FAM124B: variants seen among roughly 807,000 people sequenced by gnomAD.
FAM124B encodes the protein family with sequence similarity 124 member B, also known as protein FAM124B.
Under a neutral mutation model 19.7 loss-of-function variants are expected in FAM124B, and 18 were observed. The observed-to-expected ratio is 0.92, with a 90% confidence interval of 0.63 to 1.36. The LOEUF is 1.36. Ranked by LOEUF, FAM124B falls within the 40% of genes most tolerant of loss-of-function variation. FAM124B has a pLI of 0.00. For synonymous variants in FAM124B, 223 were observed against 225.2 expected, an observed-to-expected ratio of 0.99 and a Z score of 0.09; for missense variants, 540 against 553.3, an observed-to-expected ratio of 0.98 and a Z score of 0.24.
At chr2:224,392,340 A>T (rs140217477) in intron 1 of FAM124B, among the ~76,000 whole-genome samples, 1 of 152,194 alleles carries the variant, frequency 6.6e-6, no homozygotes, top group Non-Finnish European at 1.5e-5. Context: ...GCTACTCAGG[A>T]GGCTGAAATG....
At chr2:224,390,341 A>G (rs1689861601) in intron 1 of FAM124B, among the ~76,000 whole-genome samples, 2 of 152,084 alleles carry the variant, frequency 1.3e-5, no homozygotes, top group Non-Finnish European at 2.9e-5. Flanking sequence ...GGGAAGACTC[A>G]GGGTGCAGAA....
chr2:224,401,267 T>G lies in FAM124B; in HGVS notation c.502A>C (p.Lys168Gln), dbSNP rs1189290289. ...AGCACGAAGAAACAAAAATTGCTCTTTTGCAAGGTCGCTTCTCTCTGCAGG... is the reference window on the plus strand; with the variant it reads ...AGCACGAAGAAACAAAAATTGCTCTGTTGCAAGGTCGCTTCTCTCTGCAGG... ...MILQREATLQ[K>Q]SNFCFFVLYA... is the part of the protein sequence containing the mutation. Residue 168 changes from lysine (K) to glutamine (Q), a missense_variant, in exon 1 of 2, where the codon AAG becomes CAG. Physicochemically the swap from Lys to Gln is moderately conservative, Grantham distance 53. Transcript: ENST00000409685. The G allele has an allele frequency of 1.2e-6, 2 of 1,613,700 alleles. No individual in the cohort carries two copies. Among genetic ancestry groups the G allele is most frequent in the East Asian group, 4.5e-5 (2 of 44,888 alleles).
intron 1 of FAM124B, among the ~76,000 whole-genome samples, chr2:224,394,933 G>A (rs912045430): frequency 6.6e-6 from 1 of 152,228 alleles, no homozygotes; most frequent in Non-Finnish European, 1.5e-5. Context: ...CACCAGGGCA[G>A]TGTGATACCA....
Position 224,393,658 on chromosome 2 carries a change from A to C in FAM124B, c.732+7379T>G, listed in dbSNP as rs568602839. Among the ~76,000 whole-genome samples, 8 of 152,248 alleles carry C rather than the reference A, an allele frequency of 5.3e-5. No individual in the cohort carries two copies. In the South Asian group the frequency reaches 1.5e-3, roughly 28 times the overall value. On this transcript the variant is annotated intron_variant, in intron 1 of 1. Transcript: ENST00000409685. ...TGTGAGTTTGGCCTGGAGCACCTCC[A>C]GGAGAAGTGGGTAAAGAAGACTTGG...
Position 224,379,414 on chromosome 2 carries a change from T to G in FAM124B, c.*159A>C. ...AAATAAACAATCATTCCCAGCACCT[T>G]TAGACTTTGAACATTTGAAATAAAA... On this transcript the variant is annotated 3_prime_UTR_variant, in exon 2 of 2. Coordinates refer to ENST00000409685, the MANE Select transcript of FAM124B (RefSeq NM_001122779.2). 9.5e-7 allele frequency: 1 copy of G among 1,057,658 alleles called. No individual in the cohort carries two copies. The highest frequency in any genetic ancestry group is 1.3e-6 in the Non-Finnish European group (1 of 762,894). 65.5% of individuals were successfully genotyped at this position (1,057,658 alleles called of 1,614,324 possible).
intron 1 of FAM124B, among the ~76,000 whole-genome samples, chr2:224,381,954 A>G (rs767674141): frequency 6.6e-6 from 1 of 152,052 alleles, no homozygotes; most frequent in African/African-American, 2.4e-5. Flanking sequence ...AAATCAGTAA[A>G]TTCTCTCTCT....
chr2:224,401,386 AC>A lies in FAM124B; in HGVS notation c.382del (p.Val128Ter). The A allele has an allele frequency of 6.2e-7, 1 of 1,613,664 alleles. No individual in the cohort carries two copies. The highest frequency in any genetic ancestry group is 8.5e-7 in the Non-Finnish European group (1 of 1,179,952). On this transcript the variant is annotated frameshift_variant, in exon 1 of 2. Coordinates refer to ENST00000409685, the MANE Select transcript of FAM124B (RefSeq NM_001122779.2). LOFTEE classifies it high-confidence loss of function. ...CTCGGAGCCACAGTGCACCTGCCTCACCCCCCAGATGGGCAGCTGACTGTCC... is the reference window on the plus strand; with the variant it reads ...CTCGGAGCCACAGTGCACCTGCCTCACCCCCAGATGGGCAGCTGACTGTCC... ...SLDSQLPIWGVRQVHCGSEIL... is the reference protein window; with the variant it reads ...SLDSQLPIWGXRQVHCGSEIL...
chr2:224,385,996 T>C (rs746345484), intron 1 of FAM124B, among the ~76,000 whole-genome samples: 6 of 152,148 alleles, frequency 3.9e-5, no homozygotes, highest in Non-Finnish European at 8.8e-5. Context: ...TGCCAGAGGA[T>C]TGGATCACAC....
Position 224,380,204 on chromosome 2 carries a change from T to C in FAM124B, c.737A>G (p.Gln246Arg). 6.5e-7 allele frequency: 1 copy of C among 1,541,208 alleles called. No homozygotes were observed. Residue 246 changes from glutamine (Q) to arginine (R), a missense_variant, in exon 2 of 2, where the codon CAG becomes CGG. Coordinates refer to ENST00000409685, the MANE Select transcript of FAM124B (RefSeq NM_001122779.2). ...CTTAACACCAAGTTCTGGATTCAGC[T>C]GAACCTACAGGAAAGGAAAGGAGGA... The part of the protein sequence containing the change: ...YDGNKILLQV[Q>R]LNPELGVKNG...
chr2:224,401,949 C>T lies in FAM124B; in HGVS notation c.-181G>A, dbSNP rs529852994. The T allele has an allele frequency of 2.4e-5, 16 of 668,954 alleles. No homozygotes were observed. The highest frequency in any genetic ancestry group is 3.6e-5 in the African/African-American group (2 of 55,368). 41.4% of individuals were successfully genotyped at this position (668,954 alleles called of 1,614,324 possible). A position where few individuals can be genotyped will look rare whatever the true frequency, so the allele number is the denominator to read the frequency against. ...GTGCTCCTGGCCACCCGTGGACTTA[C>T]GGCAAGAGAAGCTCACACCAGCTCG... On this transcript the variant is annotated 5_prime_UTR_variant, in exon 1 of 2. Transcript: ENST00000409685.
chr2:224,397,757 G>C (rs148091747), intron 1 of FAM124B, among the ~76,000 whole-genome samples: 171 of 152,290 alleles, frequency 1.1e-3, no homozygotes, highest in African/African-American at 3.9e-3. Flanking sequence ...CCCTGCCCTA[G>C]AGATTTGTGG....
Position 224,401,399 on chromosome 2 carries a change from G to A in FAM124B, c.370C>T (p.Pro124Ser). 6.2e-7 allele frequency: 1 copy of A among 1,614,076 alleles called. No homozygotes were observed. Among genetic ancestry groups the A allele is most frequent in the Non-Finnish European group, 8.5e-7 (1 of 1,180,006 alleles). ...QEFYSLDSQL[P>S]IWGVRQVHCG... ...TGCACCTGCCTCACCCCCCAGATGG[G>A]CAGCTGACTGTCCAGGCTGTAGAAC... is the stretch of plus-strand genomic sequence containing the variant. The change falls in exon 1 of 2, where the codon CCC becomes TCC. Residue 124 changes from proline (P) to serine (S), a missense_variant. Coordinates refer to ENST00000409685, the MANE Select transcript of FAM124B (RefSeq NM_001122779.2).
chr2:224,395,427 A>C (rs915828256), intron 1 of FAM124B, among the ~76,000 whole-genome samples: 1 of 152,196 alleles, frequency 6.6e-6, no homozygotes, highest in Non-Finnish European at 1.5e-5. Context: ...GGTTTAAAAA[A>C]AGAGGCGGAC....
At chr2:224,389,052 C>T (rs1689841519) in intron 1 of FAM124B, among the ~76,000 whole-genome samples, 1 of 152,232 alleles carries the variant, frequency 6.6e-6, no homozygotes, top group African/African-American at 2.4e-5. Flanking sequence ...CTGCCTCAGC[C>T]TCCCGTGTAG....
chr2:224,389,569 T>C (rs549607748), intron 1 of FAM124B, among the ~76,000 whole-genome samples: 1 of 152,146 alleles, frequency 6.6e-6, no homozygotes, highest in East Asian at 1.9e-4. Flanking sequence ...TAAAAACAAC[T>C]GGTATTTCAA....
Position 224,379,514 on chromosome 2 carries a change from C to G in FAM124B, c.*59G>C, listed in dbSNP as rs1044727882. On this transcript the variant is annotated 3_prime_UTR_variant, in exon 2 of 2. Transcript: ENST00000409685. ...CTAACAGGCTGATTCTGGGTCAGTA[C>G]TCCATTTCTAGAACATTTTATCTGA... The G allele has an allele frequency of 3.4e-6, 5 of 1,470,738 alleles. No homozygotes were observed. Among genetic ancestry groups the G allele is most frequent in the East Asian group, 2.5e-5 (1 of 40,314 alleles). The allele number at this position is 1,470,738 out of a possible 1,614,324, so 91.1% of individuals were successfully genotyped here.
rs145712035 is a variant in FAM124B at position 224,382,290 on chromosome 2, A to G, written c.733-2082T>C. Among the ~76,000 whole-genome samples the G allele has an allele frequency of 1.6e-3, 242 of 152,218 alleles. 1 individual carries two copies. The highest frequency in any genetic ancestry group is 5.4e-3 in the African/African-American group (226 of 41,540). ...TCTATGTATGAACACTGAAATTTGA[A>G]TCTCATATTTTTTATGTGTCATGAA... On this transcript the variant is annotated intron_variant, in intron 1 of 1. Coordinates refer to ENST00000409685, the MANE Select transcript of FAM124B (RefSeq NM_001122779.2).
intron 1 of FAM124B, among the ~76,000 whole-genome samples, chr2:224,397,365 A>G (rs566240468): frequency 6.6e-6 from 1 of 152,306 alleles, no homozygotes; most frequent in Non-Finnish European, 1.5e-5. Context: ...ACATGGAACT[A>G]TGAGTTCATT....
At chr2:224,385,609 A>G (rs1689790618) in intron 1 of FAM124B, among the ~76,000 whole-genome samples, 1 of 152,010 alleles carries the variant, frequency 6.6e-6, no homozygotes, top group African/African-American at 2.4e-5. Context: ...CTTCACATCT[A>G]CCTATCCAAC....
Sources: gnomAD v4.1 joint callset for allele counts (sites outside exome capture counted in the v4.1 genomes callset) on GRCh38, gnomAD v4.1.1 for gene constraint, MANE v1.5 for transcripts, NCBI Gene and HGNC (gene_info 2026-07-23, HGNC 2026-07-21) for gene names.